ADTRP: variants seen among roughly 807,000 people sequenced by gnomAD.
ADTRP encodes the protein androgen-dependent TFPI-regulating protein.
ADTRP carries 20 observed loss-of-function variants against 27.0 expected under a neutral mutation model. That is an observed-to-expected ratio of 0.74 (90% CI 0.52 to 1.08). The LOEUF is 1.08. Ranked by LOEUF, ADTRP falls within the 50% of genes least tolerant of loss-of-function variation. ADTRP has a pLI of 0.00. For missense variants in ADTRP, 251 were observed against 275.0 expected, an observed-to-expected ratio of 0.91 and a Z score of 0.62; for synonymous variants, 101 against 105.2, an observed-to-expected ratio of 0.96 and a Z score of 0.25.
chr6:11,774,855 TG>T (rs1763902044), intron 1 of ADTRP, among the ~76,000 whole-genome samples: 1 of 152,040 alleles, frequency 6.6e-6, no homozygotes, highest in South Asian at 2.1e-4. Context: ...GGAAATGGGG[TG>T]GACAGAGAGC....
At chr6:11,735,010 G>GA (rs901308183) in intron 4 of ADTRP, among the ~76,000 whole-genome samples, 1 of 137,208 alleles carries the variant, frequency 7.3e-6, no homozygotes, top group Non-Finnish European at 1.7e-5. Context: ...CAGCGTTTCT[G>GA]AAAATGAGTA....
chr6:11,746,853 T>G (rs1250612170), intron 3 of ADTRP, among the ~76,000 whole-genome samples: 1 of 152,160 alleles, frequency 6.6e-6, no homozygotes, highest in Non-Finnish European at 1.5e-5. Context: ...TTGTTGAGTG[T>G]CTGGGACCTT....
chr6:11,755,049 C>T, intron 3 of ADTRP: 1 of 985,398 alleles, frequency 1.0e-6, no homozygotes, highest in Non-Finnish European at 1.2e-6. Flanking sequence ...TGGTTATTCT[C>T]CAGCATCAAG....
At chr6:11,761,906 A>G (rs1763399504) in intron 3 of ADTRP, among the ~76,000 whole-genome samples, 1 of 152,154 alleles carries the variant, frequency 6.6e-6, no homozygotes. Context: ...ACTGTGGGTG[A>G]CCTATGCCCA....
chr6:11,742,110 C>T (rs1421512937), intron 3 of ADTRP, among the ~76,000 whole-genome samples: 1 of 151,856 alleles, frequency 6.6e-6, no homozygotes, highest in Non-Finnish European at 1.5e-5. Flanking sequence ...TGGTACGTTG[C>T]AATCGGGCAA....
intron 3 of ADTRP, among the ~76,000 whole-genome samples, chr6:11,741,501 T>G (rs1762713969): frequency 6.6e-6 from 1 of 152,232 alleles, no homozygotes; most frequent in Non-Finnish European, 1.5e-5. Context: ...TGAACTCTTA[T>G]GTGACTTGAA....
intron 5 of ADTRP, among the ~76,000 whole-genome samples, chr6:11,721,003 T>C (rs1305133447): frequency 1.3e-5 from 2 of 152,164 alleles, no homozygotes; most frequent in East Asian, 3.8e-4. Flanking sequence ...GAACAAGACA[T>C]ACCCCTAATT....
At chr6:11,740,031 T>C (rs1195018703) in intron 3 of ADTRP, among the ~76,000 whole-genome samples, 1 of 152,236 alleles carries the variant, frequency 6.6e-6, no homozygotes, top group Non-Finnish European at 1.5e-5. Flanking sequence ...CCTTCTGGAC[T>C]ATCTCTTGTG....
chr6:11,764,326 A>C (rs1484973397), intron 3 of ADTRP, among the ~76,000 whole-genome samples: 4 of 152,156 alleles, frequency 2.6e-5, no homozygotes, highest in African/African-American at 9.7e-5. Context: ...ACTTTACATC[A>C]ACCCTGAAGT....
At chr6:11,732,506 GGGGTTGGCAGGCACCAAA>G (rs1406604532) in intron 4 of ADTRP, among the ~76,000 whole-genome samples, 2 of 152,224 alleles carry the variant, frequency 1.3e-5, no homozygotes, top group African/African-American at 4.8e-5. Context: ...GCGTAAGGGT[GGGGTTGGCAGGCACCAAA>G]GAGTCTGAGC....
chr6:11,768,445 A>G, intron 1 of ADTRP, 62 bp from the exon 2 acceptor site: 2 of 1,591,036 alleles, frequency 1.3e-6, no homozygotes, highest in Non-Finnish European at 1.7e-6. Context: ...TTCTTCACTG[A>G]TGGAAAACTC....
chr6:11,765,686 C>T (rs916240461), intron 3 of ADTRP, among the ~76,000 whole-genome samples: 23 of 151,998 alleles, frequency 1.5e-4, no homozygotes, highest in African/African-American at 5.3e-4. Flanking sequence ...GCCAGCCTTG[C>T]TTGTTTGGGT....
intron 1 of ADTRP, among the ~76,000 whole-genome samples, chr6:11,774,457 G>A (rs1201616762): frequency 2.0e-5 from 3 of 152,130 alleles, no homozygotes; most frequent in Admixed American, 6.6e-5. Flanking sequence ...GACCCATAGA[G>A]GCCTCCCAGC....
rs5874338 is a variant in ADTRP, at chr6:11,716,385, TG to T, written c.659-1874del. ...CAGACATGGTGGTATGAAGCTCTGCTGGGGGAGGACAGCAGGTGGTTCCCTC... is the reference window on the plus strand; with the variant it reads ...CAGACATGGTGGTATGAAGCTCTGCTGGGGAGGACAGCAGGTGGTTCCCTC... On this transcript the variant is annotated intron_variant, in intron 5 of 5. Transcript: ENST00000414691. Among the ~76,000 whole-genome samples, 1,080 of 152,268 alleles carry T rather than the reference TG, an allele frequency of 7.1e-3. 34 individuals are homozygous for T. Among genetic ancestry groups the T allele is most frequent in the Admixed American group, 0.047 (716 of 15,304 alleles).
rs1389567560 is a variant in ADTRP at position 11,713,870 on chromosome 6, G to T, written c.*608C>A. 1 of 152,018 alleles carries T rather than the reference G, an allele frequency of 6.6e-6. No homozygotes were observed. The highest frequency in any genetic ancestry group is 1.5e-5 in the Non-Finnish European group (1 of 68,056). 9.4% of individuals were successfully genotyped at this position (152,018 alleles called of 1,614,324 possible). ...TATCCCAAGTAGACAGACAACTTCA[G>T]TAGTAGCCATCTCCCTACATTTTTA... On this transcript the variant is annotated 3_prime_UTR_variant, in exon 6 of 6. Transcript: ENST00000414691.
intron 1 of ADTRP, among the ~76,000 whole-genome samples, chr6:11,777,524 C>CA (rs1314758358): frequency 6.6e-6 from 1 of 151,906 alleles, no homozygotes; most frequent in East Asian, 1.9e-4. Flanking sequence ...GCTAGTTATA[C>CA]AAAAAACATT....
At chr6:11,740,746 T>G (rs2113253165) in intron 3 of ADTRP, among the ~76,000 whole-genome samples, 1 of 152,334 alleles carries the variant, frequency 6.6e-6, no homozygotes, top group African/African-American at 2.4e-5. Context: ...GAGACAATGG[T>G]GATGGTCGGT....
chr6:11,774,740 A>G (rs1359137742), intron 1 of ADTRP, among the ~76,000 whole-genome samples: 1 of 152,162 alleles, frequency 6.6e-6, no homozygotes, highest in Admixed American at 6.5e-5. Context: ...TAAAAAGAGG[A>G]AACCCTAATA....
At chr6:11,725,395 C>T (rs573206353) in intron 4 of ADTRP, among the ~76,000 whole-genome samples, 2 of 152,226 alleles carry the variant, frequency 1.3e-5, no homozygotes, top group Admixed American at 6.5e-5. Flanking sequence ...AGAGAAGATA[C>T]ATAAAAGGCC....
Sources: gnomAD v4.1 joint callset for allele counts (sites outside exome capture counted in the v4.1 genomes callset) on GRCh38, gnomAD v4.1.1 for gene constraint, MANE v1.5 for transcripts, NCBI Gene and HGNC (gene_info 2026-07-23, HGNC 2026-07-21) for gene names.